The following SOX5 variants were observed in gnomAD, a reference collection of about 807,000 sequenced individuals.
The protein encoded by SOX5 is SRY-box transcription factor 5, also known as transcription factor SOX-5.
A neutral mutation model predicts 92.0 loss-of-function variants in SOX5; 9 were observed. The observed-to-expected ratio is 0.10, with a 90% CI of 0.06 to 0.17. The LOEUF is 0.17. Among genes scored for constraint, SOX5 ranks in the 10% least tolerant of loss-of-function variants. SOX5 has a pLI of 1.00. For synonymous variants in SOX5, 344 were observed against 336.3 expected (o/e 1.02, Z -0.25); for missense variants, 642 against 944.5 (o/e 0.68, Z 4.20).
At chr12:24,099,470 C>A (rs1165915758) in intron 4 of SOX5, among the ~76,000 whole-genome samples, 1 of 152,138 alleles carries the variant, frequency 6.6e-6, no homozygotes, top group Non-Finnish European at 1.5e-5. Context: ...GATGAAGGAG[C>A]TACTTTGTTC....
chr12:23,996,819 G>C (rs940223520), intron 4 of SOX5, among the ~76,000 whole-genome samples: 1 of 152,126 alleles, frequency 6.6e-6, no homozygotes, highest in East Asian at 1.9e-4. Flanking sequence ...GGGTCTAATG[G>C]GAAGGGAAAA....
intron 2 of SOX5, among the ~76,000 whole-genome samples, chr12:24,337,027 A>C (rs1274314885): frequency 6.6e-6 from 1 of 152,172 alleles, no homozygotes; most frequent in African/African-American, 2.4e-5. Context: ...TACTGAAAGG[A>C]AATTAAGAGT....
intron 4 of SOX5, among the ~76,000 whole-genome samples, chr12:24,096,566 T>C (rs550008737): frequency 6.6e-6 from 1 of 152,338 alleles, no homozygotes; most frequent in African/African-American, 2.4e-5. Context: ...TGTACTTTTA[T>C]GATTGGTTTA....
At chr12:23,690,942 T>G (rs1212901348) in intron 6 of SOX5, among the ~76,000 whole-genome samples, 3 of 152,194 alleles carry the variant, frequency 2.0e-5, no homozygotes, top group Non-Finnish European at 4.4e-5. Context: ...GATTCTTGTC[T>G]TCCTCCCTGA....
intron 4 of SOX5, among the ~76,000 whole-genome samples, chr12:24,005,622 T>C (rs575115583): frequency 6.6e-6 from 1 of 152,252 alleles, no homozygotes; most frequent in South Asian, 2.1e-4. Context: ...TTCTGTCTCG[T>C]CCCCTTTAGT....
At chr12:23,988,552 C>T (rs556228479) in intron 4 of SOX5, among the ~76,000 whole-genome samples, 34 of 152,152 alleles carry the variant, frequency 2.2e-4, no homozygotes, top group Admixed American at 7.9e-4. Context: ...GAGAGGAATA[C>T]GAAGGGGCCA....
chr12:23,903,339 C>T (rs2138049323), intron 1 of SOX5, among the ~76,000 whole-genome samples: 1 of 152,276 alleles, frequency 6.6e-6, no homozygotes, highest in South Asian at 2.1e-4. Context: ...TATTCTAGCA[C>T]TTTAGGAGAC....
intron 4 of SOX5, among the ~76,000 whole-genome samples, chr12:24,114,241 A>T (rs1284870183): frequency 6.6e-6 from 1 of 152,168 alleles, no homozygotes; most frequent in Non-Finnish European, 1.5e-5. Context: ...AGCAGAATGC[A>T]GGGAAGAAAA....
intron 4 of SOX5, among the ~76,000 whole-genome samples, chr12:24,162,299 T>C (rs1952844922): frequency 6.6e-6 from 1 of 152,152 alleles, no homozygotes; most frequent in Non-Finnish European, 1.5e-5. Context: ...AGAATGCTTC[T>C]GGATTAATAA....
intron 6 of SOX5, among the ~76,000 whole-genome samples, chr12:23,667,130 G>A (rs1253130921): frequency 6.6e-6 from 1 of 152,014 alleles, no homozygotes; most frequent in Non-Finnish European, 1.5e-5. Context: ...TGGTGGTGGG[G>A]GCGGCAGAGA....
intron 4 of SOX5, among the ~76,000 whole-genome samples, chr12:24,094,955 C>T (rs923530385): frequency 6.6e-6 from 1 of 152,124 alleles, no homozygotes; most frequent in Non-Finnish European, 1.5e-5. Flanking sequence ...TGGCTACTTC[C>T]TCTCTCCTTT....
chr12:23,545,854 T>C (rs1943030627), intron 12 of SOX5, among the ~76,000 whole-genome samples: 1 of 150,038 alleles, frequency 6.7e-6, no homozygotes, highest in Non-Finnish European at 1.5e-5. Context: ...CTGGACACCA[T>C]AGTAAGTAAG....
chr12:24,297,428 C>T (rs1389603798), intron 2 of SOX5, among the ~76,000 whole-genome samples: 3 of 152,214 alleles, frequency 2.0e-5, no homozygotes, highest in Non-Finnish European at 4.4e-5. Context: ...CAGCCCAATA[C>T]CGCAGCGTGG....
chr12:23,804,901 T>A (rs1388778996), intron 3 of SOX5, among the ~76,000 whole-genome samples: 1 of 140,394 alleles, frequency 7.1e-6, no homozygotes, highest in Non-Finnish European at 1.5e-5. Flanking sequence ...TTTCTCTATT[T>A]ACCTATCATT....
chr12:23,928,127 C>A (rs968247073), intron 1 of SOX5, among the ~76,000 whole-genome samples: 2 of 151,958 alleles, frequency 1.3e-5, no homozygotes, highest in African/African-American at 4.8e-5. Context: ...AATAAGGTAA[C>A]AAAACCTGAA....
chr12:23,712,615 AG>A, intron 6 of SOX5, among the ~76,000 whole-genome samples: 1 of 152,224 alleles, frequency 6.6e-6, no homozygotes, highest in East Asian at 1.9e-4. Flanking sequence ...GTAACATCTA[AG>A]TGTATGCAAC....
At chr12:23,759,030 GACACACAC>G (rs61575999) in intron 3 of SOX5, among the ~76,000 whole-genome samples, 103,262 of 146,126 alleles carry the variant, frequency 0.71, 38,315 homozygotes, top group East Asian at 0.92. Flanking sequence ...CACACACACA[GACACACAC>G]ACACACACAC....
intron 1 of SOX5, among the ~76,000 whole-genome samples, chr12:24,432,613 A>T (rs2137068540): frequency 6.6e-6 from 1 of 152,258 alleles, no homozygotes; most frequent in African/African-American, 2.4e-5. Flanking sequence ...GGAGATCGAG[A>T]CCATCCTGGC....
At chr12:23,819,286 A>T (rs2096060686) in intron 3 of SOX5, among the ~76,000 whole-genome samples, 1 of 152,208 alleles carries the variant, frequency 6.6e-6, no homozygotes, top group South Asian at 2.1e-4. Flanking sequence ...TTCTGGGGCC[A>T]TTGTTATACA....
Sources: allele counts gnomAD v4.1 joint callset (sites outside exome capture counted in the v4.1 genomes callset), GRCh38; gene constraint gnomAD v4.1.1; transcripts MANE v1.5; gene names NCBI Gene and HGNC (gene_info 2026-07-23, HGNC 2026-07-21).